TTC39C: variants seen among roughly 807,000 people sequenced by gnomAD.
The protein encoded by TTC39C is tetratricopeptide repeat domain 39C.
A neutral mutation model predicts 76.3 loss-of-function variants in TTC39C; 33 were observed. The observed-to-expected ratio is 0.43, with a 90% CI of 0.33 to 0.58. TTC39C has a LOEUF of 0.58. Among genes scored for constraint, TTC39C ranks in the 20% least tolerant of loss-of-function variants. The probability of loss-of-function intolerance (pLI) is 0.04; values close to 1 mark genes in which losing one functional copy is unlikely to be tolerated. For missense variants in TTC39C, 595 were observed against 701.4 expected (o/e 0.85, Z 1.71); for synonymous variants, 254 against 260.6 (o/e 0.97, Z 0.24).
intron 1 of TTC39C, among the ~76,000 whole-genome samples, chr18:23,997,667 A>AAAGAAGGG: frequency 7.7e-6 from 1 of 129,052 alleles, no homozygotes; most frequent in African/African-American, 2.9e-5. Flanking sequence ...AGAAAGAAAG[A>AAAGAAGGG]AAGAAAGAAA....
At chr18:24,071,270 A>G (rs948529191) in intron 4 of TTC39C, among the ~76,000 whole-genome samples, 2 of 152,174 alleles carry the variant, frequency 1.3e-5, no homozygotes, top group South Asian at 4.1e-4. Context: ...TTGTTCAATC[A>G]TTGATCCATT....
Position 24,015,009 on chromosome 18 carries a change from G to A in TTC39C, c.138G>A (p.Arg46=). 2.0e-6 allele frequency: 3 copies of A among 1,520,704 alleles called. No individual in the cohort carries two copies. In the South Asian group the frequency reaches 3.7e-5, roughly 19 times the overall value. The allele number at this position is 1,520,704 out of a possible 1,614,324, so 94.2% of individuals were successfully genotyped here. The change falls in exon 1 of 14, where the codon AGG becomes AGA. Residue 46 remains arginine (R), a synonymous_variant. Transcript: ENST00000317571. ...ACATGCTGCTCAACAACGGCTTCAG[G>A]GAGTCGGACCAGCTTTTCAAACAAT... ...GINMLLNNGF[R]ESDQLFKQYR... is the part of the protein sequence containing the mutation.
chr18:24,130,639 A>G (rs1176317725), intron 12 of TTC39C, among the ~76,000 whole-genome samples: 1 of 152,092 alleles, frequency 6.6e-6, no homozygotes, highest in Non-Finnish European at 1.5e-5. Context: ...TTACAGTCAT[A>G]CATCTCTTAA....
At chr18:24,021,483 G>A (rs2145654260) in intron 1 of TTC39C, among the ~76,000 whole-genome samples, 1 of 151,534 alleles carries the variant, frequency 6.6e-6, no homozygotes, top group East Asian at 1.9e-4. Context: ...AGAAAGTCAT[G>A]CCTCCTTGAA....
chr18:24,038,365 C>G (rs1432574820), intron 1 of TTC39C, among the ~76,000 whole-genome samples: 2 of 152,178 alleles, frequency 1.3e-5, no homozygotes, highest in Non-Finnish European at 2.9e-5. Flanking sequence ...TCACTGCAGC[C>G]TCGACCTCCC....
chr18:24,098,990 T>C (rs932995609), intron 6 of TTC39C, among the ~76,000 whole-genome samples: 16 of 144,082 alleles, frequency 1.1e-4, no homozygotes, highest in African/African-American at 4.2e-4. Flanking sequence ...TTTTATTTGC[T>C]AATAAGTTAG....
At chr18:24,015,710 AAAGG>A (rs574163296) in intron 1 of TTC39C, among the ~76,000 whole-genome samples, 3 of 151,712 alleles carry the variant, frequency 2.0e-5, no homozygotes, top group Non-Finnish European at 4.4e-5. Flanking sequence ...CAACGTAAAT[AAAGG>A]AAGGAAGAAA....
rs2145629358 is a variant in TTC39C at position 24,004,659 on chromosome 18, T to C, written c.-17+11621T>C. ...TGCTCTTGTTTTTAAGGTTAAAATA[T>C]GCACCTTTATTCTGAGTTTAATATA... On this transcript the variant is annotated intron_variant, in intron 1 of 13. Transcript: ENST00000304621. Among the ~76,000 whole-genome samples the C allele has an allele frequency of 1.3e-5, 2 of 152,372 alleles. 1 individual carries two copies. Among genetic ancestry groups the C allele is most frequent in the South Asian group, 4.1e-4 (2 of 4,828 alleles).
chr18:24,113,873 T>G (rs1469407444), intron 6 of TTC39C: 3 of 573,064 alleles, frequency 5.2e-6, no homozygotes, highest in Non-Finnish European at 6.3e-6. Context: ...GACAGTGTTA[T>G]GTGAATGAAA....
At chr18:24,091,986 G>T (rs56941906) in intron 6 of TTC39C, among the ~76,000 whole-genome samples, 2 of 149,598 alleles carry the variant, frequency 1.3e-5, no homozygotes, top group African/African-American at 4.9e-5. Flanking sequence ...CCAGCTACTC[G>T]GGAGGCTGAG....
intron 1 of TTC39C, among the ~76,000 whole-genome samples, chr18:24,005,522 T>C (rs985083255): frequency 2.0e-5 from 3 of 152,110 alleles, no homozygotes; most frequent in Non-Finnish European, 2.9e-5. Flanking sequence ...TATTGACATA[T>C]AATTTATATA....
In TTC39C at chr18:24,080,597, G is replaced by A. The variant is rs2084363811; in HGVS notation, c.473G>A (p.Gly158Asp). ...CTTCTCTTTTTAGCTTATATCAAAG[G>A]TGGGTGGATCCTTAGGAAAGCCTGG... ...VKQELSAYIK[G>D]GWILRKAWKI... The change falls in exon 5 of 14, where the codon GGT (glycine) becomes GAT (aspartate). Residue 158 changes from glycine to aspartate, a missense_variant. Coordinates refer to ENST00000317571, the MANE Select transcript of TTC39C (RefSeq NM_001135993.2). 6.2e-7 allele frequency: 1 copy of A among 1,600,962 alleles called. No homozygotes were observed. Among genetic ancestry groups the A allele is most frequent in the Non-Finnish European group, 8.5e-7 (1 of 1,174,508 alleles).
chr18:24,061,077 A>G (rs1025902965), intron 1 of TTC39C, among the ~76,000 whole-genome samples: 11 of 152,298 alleles, frequency 7.2e-5, no homozygotes, highest in African/African-American at 2.4e-4. Context: ...AATGAAATCT[A>G]TAAAACAAGA....
At chr18:24,060,416 C>G (rs1307329210) in intron 1 of TTC39C, among the ~76,000 whole-genome samples, 2 of 144,974 alleles carry the variant, frequency 1.4e-5, no homozygotes, top group African/African-American at 5.1e-5. Flanking sequence ...CACTCAGGTT[C>G]CAGTGATTCT....
rs541956892 is a variant in TTC39C, at chr18:24,022,697, C to T, written c.167+7659C>T. 16 of 985,414 alleles carry T rather than the reference C, an allele frequency of 1.6e-5. No homozygotes were observed. In the African/African-American group the frequency reaches 1.7e-4, roughly 11 times the overall value. The allele number at this position is 985,414 out of a possible 1,614,324, so 61.0% of individuals were successfully genotyped here. ...GGGAGATGTCACCCCAAGCTTTAGA[C>T]GCTCTGTGGCTCCCAGTCTTGTGTA... On this transcript the variant is annotated intron_variant, in intron 1 of 13. Coordinates refer to ENST00000317571, the MANE Select transcript of TTC39C (RefSeq NM_001135993.2).
chr18:24,002,127 T>C (rs113591788), intron 1 of TTC39C, among the ~76,000 whole-genome samples: 2,398 of 152,284 alleles, frequency 0.016, 56 homozygotes, highest in African/African-American at 0.055. Context: ...TGTGGTCTTG[T>C]GGGGCTGTCA....
At chr18:24,109,975 C>A (rs1402517136) in intron 6 of TTC39C, among the ~76,000 whole-genome samples, 3 of 152,114 alleles carry the variant, frequency 2.0e-5, no homozygotes, top group Non-Finnish European at 4.4e-5. Flanking sequence ...CACGCCACTG[C>A]ACTCAAGCCT....
At chr18:23,995,360 C>T (rs1047038213) in intron 1 of TTC39C, among the ~76,000 whole-genome samples, 67 of 152,114 alleles carry the variant, frequency 4.4e-4, no homozygotes, top group African/African-American at 1.5e-3. Context: ...GTCCCAGCTA[C>T]TCAGGGGGCT....
intron 1 of TTC39C, among the ~76,000 whole-genome samples, chr18:24,030,669 T>TTTTTG (rs71163652): frequency 1.4e-5 from 2 of 146,798 alleles, no homozygotes; most frequent in South Asian, 2.2e-4. Flanking sequence ...TTTTTTTTTT[T>TTTTTG]GAGATGGAAT....
Sources: gnomAD v4.1 joint callset for allele counts (sites outside exome capture counted in the v4.1 genomes callset) on GRCh38, gnomAD v4.1.1 for gene constraint, MANE v1.5 for transcripts, NCBI Gene and HGNC (gene_info 2026-07-23, HGNC 2026-07-21) for gene names.